The following PDE10A variants were observed in gnomAD, a reference collection of about 807,000 sequenced individuals.
The protein encoded by PDE10A is phosphodiesterase 10A.
Under a neutral mutation model 97.7 loss-of-function variants are expected in PDE10A, and 39 were observed. The observed-to-expected ratio is 0.40, with a 90% confidence interval of 0.31 to 0.52. PDE10A has a LOEUF of 0.52. Among genes scored for constraint, PDE10A ranks in the 20% least tolerant of loss-of-function variants. PDE10A has a pLI of 0.56. For synonymous variants in PDE10A, 371 were observed against 376.8 expected (o/e 0.98, Z 0.18); for missense variants, 731 against 1,047.8 (o/e 0.70, Z 4.17).
At chr6:165,599,723 A>C (rs1786821881) in intron 1 of PDE10A, among the ~76,000 whole-genome samples, 1 of 152,166 alleles carries the variant, frequency 6.6e-6, no homozygotes, top group South Asian at 2.1e-4. Flanking sequence ...ATGTTGCCAT[A>C]CCAGTTAACC....
intron 1 of PDE10A, among the ~76,000 whole-genome samples, chr6:165,904,628 G>A (rs1053067432): frequency 1.3e-5 from 2 of 152,136 alleles, no homozygotes; most frequent in Admixed American, 1.3e-4. Flanking sequence ...GGAGGGCAAG[G>A]ATCTCCTATA....
intron 1 of PDE10A, among the ~76,000 whole-genome samples, chr6:165,759,349 C>T (rs182483040): frequency 1.3e-5 from 2 of 152,274 alleles, no homozygotes; most frequent in East Asian, 1.9e-4. Context: ...GTTGAGAGAA[C>T]ATTCTGAATC....
chr6:165,498,686 A>T (rs868128109), intron 2 of PDE10A, among the ~76,000 whole-genome samples: 7 of 152,146 alleles, frequency 4.6e-5, no homozygotes, highest in African/African-American at 1.2e-4. Flanking sequence ...GAATATAAAC[A>T]TTAAGAACTT....
At chr6:165,863,322 T>C (rs1248215383) in intron 1 of PDE10A, among the ~76,000 whole-genome samples, 1 of 152,224 alleles carries the variant, frequency 6.6e-6, no homozygotes, top group Non-Finnish European at 1.5e-5. Flanking sequence ...AGGACACTCC[T>C]CATTTATTAT....
intron 1 of PDE10A, among the ~76,000 whole-genome samples, chr6:165,951,229 A>C (rs1028738445): frequency 6.6e-6 from 1 of 152,216 alleles, no homozygotes; most frequent in African/African-American, 2.4e-5. Flanking sequence ...CACAGTCAAC[A>C]GACACACTCA....
intron 1 of PDE10A, chr6:165,545,244 C>T (rs1420587482): frequency 2.0e-6 from 1 of 492,022 alleles, no homozygotes; most frequent in South Asian, 1.5e-5. Context: ...ATAATGACGA[C>T]ACCAAAATCT....
rs1792647036 is a variant in PDE10A at position 165,738,789 on chromosome 6, T to A, written c.-614-195221A>T. 2.0e-5 allele frequency among the ~76,000 whole-genome samples: 3 copies of A among 152,244 alleles called. No homozygotes were observed. The South Asian group carries it at 6.2e-4, about 32-fold the overall frequency. On this transcript the variant is annotated intron_variant, in intron 1 of 19. Transcript: ENST00000366882. ...TGATGGTGAGCATTTTTTCATGTGT[T>A]TTTTGGCTGCGTAAATGTCTTCTTT...
intron 2 of PDE10A, among the ~76,000 whole-genome samples, chr6:165,513,690 A>C (rs1271312601): frequency 2.0e-5 from 3 of 152,084 alleles, no homozygotes; most frequent in Non-Finnish European, 2.9e-5. Context: ...GATTTTCTTT[A>C]ATTTCTTTCA....
chr6:165,555,135 T>C (rs1303673478), intron 1 of PDE10A, among the ~76,000 whole-genome samples: 1 of 152,178 alleles, frequency 6.6e-6, no homozygotes, highest in Non-Finnish European at 1.5e-5. Flanking sequence ...TAGTCAATAA[T>C]AACCTACCTG....
intron 1 of PDE10A, among the ~76,000 whole-genome samples, chr6:165,572,307 C>G (rs1257919046): frequency 6.6e-6 from 1 of 152,170 alleles, no homozygotes; most frequent in Non-Finnish European, 1.5e-5. Flanking sequence ...AAATACATCA[C>G]TTAACATTTC....
At chr6:165,884,479 C>T (rs1021969134) in intron 1 of PDE10A, among the ~76,000 whole-genome samples, 1 of 152,142 alleles carries the variant, frequency 6.6e-6, no homozygotes. Flanking sequence ...CCAGAACCCT[C>T]GAGTGGCAGA....
chr6:165,753,434 GCAGTGT>G (rs1453113519), intron 1 of PDE10A, among the ~76,000 whole-genome samples: 1 of 152,212 alleles, frequency 6.6e-6, no homozygotes, highest in Non-Finnish European at 1.5e-5. Context: ...AGACAAGGGG[GCAGTGT>G]TATCACAGTG....
chr6:165,482,475 T>C lies in PDE10A; in HGVS notation c.995-132A>G. ...TGCTTCCTCTTACGAAATCTATGAA[T>C]TTGATTTTTTAAACTGTAAAGGTTG... On this transcript the variant is annotated intron_variant, in intron 2 of 21. Coordinates refer to ENST00000539869, the MANE Select transcript of PDE10A (RefSeq NM_001385079.1). 1.3e-5 allele frequency: 9 copies of C among 716,938 alleles called. No individual in the cohort carries two copies. The South Asian group carries it at 1.4e-4, about 11-fold the overall frequency. The allele number at this position is 716,938 out of a possible 1,614,324, so 44.4% of individuals were successfully genotyped here. A position where few individuals can be genotyped will look rare whatever the true frequency, so the allele number is the denominator to read the frequency against.
chr6:165,953,726 A>G (rs1404889082), intron 1 of PDE10A, among the ~76,000 whole-genome samples: 3 of 152,222 alleles, frequency 2.0e-5, no homozygotes, highest in Non-Finnish European at 2.9e-5. Context: ...TATCTGTTAC[A>G]AGTGATGCAC....
chr6:165,531,332 T>C (rs558968873), intron 2 of PDE10A, among the ~76,000 whole-genome samples: 2 of 151,566 alleles, frequency 1.3e-5, no homozygotes, highest in African/African-American at 4.8e-5. Flanking sequence ...TACTAGATAT[T>C]TGGTAAAACT....
At chr6:165,349,836 G>GC (rs2128185604) in intron 18 of PDE10A, among the ~76,000 whole-genome samples, 1 of 152,336 alleles carries the variant, frequency 6.6e-6, no homozygotes, top group South Asian at 2.1e-4. Flanking sequence ...CTGGGTGCAA[G>GC]CCCCAAGCCT....
At chr6:165,474,743 T>G (rs973546304) in intron 3 of PDE10A, among the ~76,000 whole-genome samples, 1 of 152,184 alleles carries the variant, frequency 6.6e-6, no homozygotes, top group Non-Finnish European at 1.5e-5. Context: ...ACTCTTAGTA[T>G]TTGTAAGTAT....
At chr6:165,748,754 G>A (rs138557979) in intron 1 of PDE10A, among the ~76,000 whole-genome samples, 27 of 152,246 alleles carry the variant, frequency 1.8e-4, no homozygotes, top group East Asian at 3.9e-4. Flanking sequence ...CACACAGTGC[G>A]TGAAGTTTCA....
intron 6 of PDE10A, among the ~76,000 whole-genome samples, 190 bp from the exon 7 acceptor site, chr6:165,433,319 C>A (rs1473282396): frequency 6.6e-6 from 1 of 152,076 alleles, no homozygotes; most frequent in African/African-American, 2.4e-5. Flanking sequence ...GGAACTTATA[C>A]CCAAATACTG....
Sources: gnomAD v4.1 joint callset for allele counts (sites outside exome capture counted in the v4.1 genomes callset) on GRCh38, gnomAD v4.1.1 for gene constraint, MANE v1.5 for transcripts, NCBI Gene and HGNC (gene_info 2026-07-23, HGNC 2026-07-21) for gene names.